Variants in SEPSECS observed in about 807,000 individuals in gnomAD.
The protein encoded by SEPSECS is O-phosphoseryl-tRNA(Sec) selenium transferase.
In SEPSECS, 42 loss-of-function variants were observed where a neutral mutation model predicts 52.1. The observed-to-expected ratio is 0.81, with a 90% CI of 0.63 to 1.04. SEPSECS has a LOEUF of 1.04. Among genes scored for constraint, SEPSECS ranks in the 50% least tolerant of loss-of-function variants. SEPSECS has a pLI of 0.00. For missense variants in SEPSECS, 590 were observed against 610.6 expected, an observed-to-expected ratio of 0.97 and a Z score of 0.36; for synonymous variants, 216 against 211.4, an observed-to-expected ratio of 1.02 and a Z score of -0.19.
At chr4:25,151,206 G>A (rs911951691) in intron 6 of SEPSECS, among the ~76,000 whole-genome samples, 36 of 152,160 alleles carry the variant, frequency 2.4e-4, no homozygotes, top group African/African-American at 8.7e-4. Context: ...CACTGACAGA[G>A]TTTCTGAGGA....
chr4:25,150,309 T>C (rs1690513553), intron 6 of SEPSECS, among the ~76,000 whole-genome samples: 3 of 152,318 alleles, frequency 2.0e-5, no homozygotes, highest in Middle Eastern at 6.8e-3. Flanking sequence ...ACACAAACTA[T>C]GTAGTCCATA....
At chr4:25,147,771 A>C (rs1577621378) in intron 6 of SEPSECS, among the ~76,000 whole-genome samples, 1 of 152,336 alleles carries the variant, frequency 6.6e-6, no homozygotes, top group East Asian at 1.9e-4. Flanking sequence ...AAAAGTTAAA[A>C]ACATAATGTT....
chr4:25,154,909 G>T (rs555834741), intron 5 of SEPSECS, 89 bp downstream of exon 5: 5 of 1,309,538 alleles, frequency 3.8e-6, no homozygotes, highest in Middle Eastern at 1.8e-4. Context: ...TATTTATTGT[G>T]AAGTGTTATT....
chr4:25,145,815 T>C (rs1187071262), intron 6 of SEPSECS, among the ~76,000 whole-genome samples: 2 of 152,184 alleles, frequency 1.3e-5, no homozygotes, highest in East Asian at 3.8e-4. Context: ...ATCTACTACC[T>C]GTATGACCAT....
chr4:25,155,400 T>C (rs1712563044), intron 4 of SEPSECS, among the ~76,000 whole-genome samples: 1 of 152,168 alleles, frequency 6.6e-6, no homozygotes, highest in South Asian at 2.1e-4. Flanking sequence ...CAAGAATGAA[T>C]TCTGGAAAGT....
chr4:25,154,787 C>G (rs1191081727), intron 5 of SEPSECS, among the ~76,000 whole-genome samples: 4 of 152,030 alleles, frequency 2.6e-5, no homozygotes, highest in Non-Finnish European at 4.4e-5. Context: ...AGGGAGCTCC[C>G]CACCCTGTAC....
chr4:25,140,655 T>A (rs755404011), intron 8 of SEPSECS, among the ~76,000 whole-genome samples: 1 of 152,212 alleles, frequency 6.6e-6, no homozygotes, highest in Non-Finnish European at 1.5e-5. Context: ...CAGTATTACG[T>A]GTAATTATTT....
Position 25,156,966 on chromosome 4 carries a change from T to C in SEPSECS, c.278A>G (p.His93Arg), listed in dbSNP as rs781392333. The change falls in exon 3 of 11, where the codon CAT becomes CGT. Residue 93 changes from histidine (H) to arginine (R), a missense_variant. By Grantham distance (29) the His-to-Arg change is conservative (BLOSUM62 0). Transcript: ENST00000382103. Reference protein sequence around the residue: ...LVARRHYRFIHGIGRSGDISA... With the variant: ...LVARRHYRFIRGIGRSGDISA... Reference sequence around the variant, plus strand: ...AATATCACCGGATCGTCCAATGCCATGAATGAACCTAAGCAAAAAATGGGC... The same window carrying C: ...AATATCACCGGATCGTCCAATGCCACGAATGAACCTAAGCAAAAAATGGGC... The C allele has an allele frequency of 6.2e-7, 1 of 1,601,674 alleles. No individual in the cohort carries two copies. Among genetic ancestry groups the C allele is most frequent in the Admixed American group, 1.7e-5 (1 of 60,012 alleles).
intron 8 of SEPSECS, among the ~76,000 whole-genome samples, chr4:25,138,553 GA>G (rs919110266): frequency 1.4e-5 from 2 of 147,720 alleles, no homozygotes; most frequent in East Asian, 2.0e-4. Context: ...TAAGAAAAAA[GA>G]AAAAAAAATC....
intron 8 of SEPSECS, among the ~76,000 whole-genome samples, chr4:25,141,741 T>G (rs1484054459): frequency 6.6e-6 from 1 of 152,188 alleles, no homozygotes; most frequent in African/African-American, 2.4e-5. Flanking sequence ...ACTCAGAATA[T>G]GAGGCACGGA....
chr4:25,127,414 T>C, intron 8 of SEPSECS, 57 bp from the exon 9 acceptor site: 1 of 1,288,750 alleles, frequency 7.8e-7, no homozygotes, highest in South Asian at 1.2e-5. Flanking sequence ...CCAGATTTAA[T>C]AAGACAAAAA....
chr4:25,121,068 T>G lies in SEPSECS; in HGVS notation c.*2863A>C, dbSNP rs747587366. 6.6e-6 allele frequency: 1 copy of G among 152,144 alleles called. No homozygotes were observed. Among genetic ancestry groups the G allele is most frequent in the Admixed American group, 6.5e-5 (1 of 15,280 alleles). The allele number at this position is 152,144 out of a possible 1,614,324, so 9.4% of individuals were successfully genotyped here. On this transcript the variant is annotated 3_prime_UTR_variant, in exon 11 of 11. Coordinates refer to ENST00000382103, the MANE Select transcript of SEPSECS (RefSeq NM_016955.4). Reference sequence around the variant, plus strand: ...TACCATTCTGTATATCAAGTGCCTATTGGCTGAACAGAACTGTATTCAATA... The same window carrying G: ...TACCATTCTGTATATCAAGTGCCTAGTGGCTGAACAGAACTGTATTCAATA...
intron 8 of SEPSECS, among the ~76,000 whole-genome samples, chr4:25,127,777 G>A (rs1465220190): frequency 2.4e-4 from 37 of 152,122 alleles, no homozygotes; most frequent in Admixed American, 2.4e-3. Context: ...ACCAGTTCAT[G>A]CTTCTCCCCT....
rs373241020 is a variant in SEPSECS, at chr4:25,145,159, T to C, written c.805-26A>G. 7 of 1,612,580 alleles carry C rather than the reference T, an allele frequency of 4.3e-6. No individual in the cohort carries two copies. The African/African-American group carries it at 8.0e-5, about 18-fold the overall frequency. On this transcript the variant is annotated intron_variant, in intron 6 of 10. Coordinates refer to ENST00000382103, the MANE Select transcript of SEPSECS (RefSeq NM_016955.4). Reference sequence around the variant, plus strand: ...CTGGAATCAATATGATATTACATATTAGTTGCTAGGAAAACAGACAACTGC... The same window carrying C: ...CTGGAATCAATATGATATTACATATCAGTTGCTAGGAAAACAGACAACTGC...
chr4:25,160,338 C>A lies in SEPSECS; in HGVS notation c.32G>T (p.Arg11Leu), dbSNP rs963475810. 3.9e-6 allele frequency: 6 copies of A among 1,548,612 alleles called. No individual in the cohort carries two copies. The highest frequency in any genetic ancestry group is 5.2e-6 in the Non-Finnish European group (6 of 1,145,646). MNRESFAAGE[R>L]LVSPAYVRQG... ...CCGCACGTAAGCCGGCGACACCAGCCGCTCTCCCGCCGCGAAGCTCTCGCG... is the reference window on the plus strand; with the variant it reads ...CCGCACGTAAGCCGGCGACACCAGCAGCTCTCCCGCCGCGAAGCTCTCGCG... Residue 11 changes from arginine (R) to leucine (L), a missense_variant, in exon 1 of 11, where the codon CGG (arginine) becomes CTG (leucine). Coordinates refer to ENST00000382103, the MANE Select transcript of SEPSECS (RefSeq NM_016955.4).
At chr4:25,146,199 A>C (rs1711953207) in intron 6 of SEPSECS, among the ~76,000 whole-genome samples, 1 of 152,190 alleles carries the variant, frequency 6.6e-6, no homozygotes, top group South Asian at 2.1e-4. Flanking sequence ...ATTCCTATTA[A>C]TATTATAACC....
chr4:25,155,910 C>G, intron 4 of SEPSECS, 127 bp downstream of exon 4: 1 of 858,050 alleles, frequency 1.2e-6, no homozygotes, highest in Non-Finnish European at 1.8e-6. Context: ...ATATATTTTA[C>G]AATTTTTTCT....
chr4:25,147,873 A>G (rs1168248106), intron 6 of SEPSECS, among the ~76,000 whole-genome samples: 1 of 152,218 alleles, frequency 6.6e-6, no homozygotes, highest in Non-Finnish European at 1.5e-5. Context: ...TTACAGTATT[A>G]GTATTTTAGT....
At chr4:25,147,574 A>G (rs1334787606) in intron 6 of SEPSECS, among the ~76,000 whole-genome samples, 1 of 152,172 alleles carries the variant, frequency 6.6e-6, no homozygotes, top group Non-Finnish European at 1.5e-5. Context: ...TGACTCTACT[A>G]TATCCCTCTC....
Sources: allele counts gnomAD v4.1 joint callset (sites outside exome capture counted in the v4.1 genomes callset), GRCh38; gene constraint gnomAD v4.1.1; transcripts MANE v1.5; gene names NCBI Gene and HGNC (gene_info 2026-07-23, HGNC 2026-07-21).